The following THEM5 variants were observed in gnomAD, a reference collection of about 807,000 sequenced individuals.
THEM5 encodes acyl-coenzyme A thioesterase THEM5.
THEM5 carries 28 observed loss-of-function variants against 24.2 expected under a neutral mutation model. That is an observed-to-expected ratio of 1.16 (90% CI 0.86 to 1.59). The LOEUF (loss-of-function observed/expected upper bound fraction) is 1.59, where lower values mean the gene tolerates loss of function less well. THEM5 is among the 40% of genes most tolerant of loss of function. The pLI is 0.00. For missense variants in THEM5, 260 were observed against 296.8 expected (o/e 0.88, Z 0.91); for synonymous variants, 87 against 114.5 (o/e 0.76, Z 1.53).
chr1:151,851,573 T>C (rs950762041), intron 2 of THEM5, among the ~76,000 whole-genome samples: 2 of 152,178 alleles, frequency 1.3e-5, no homozygotes, highest in Non-Finnish European at 1.5e-5. Context: ...ATTTTTTTTT[T>C]CCAAGACAGC....
intron 3 of THEM5, among the ~76,000 whole-genome samples, chr1:151,850,784 C>T (rs1653086092): frequency 6.6e-6 from 1 of 152,184 alleles, no homozygotes; most frequent in Non-Finnish European, 1.5e-5. Flanking sequence ...CCAAGTGTAC[C>T]ACATTCTTCT....
chr1:151,853,412 C>A, intron 1 of THEM5, 31 bp downstream of exon 1: 2 of 1,604,362 alleles, frequency 1.2e-6, no homozygotes, highest in Non-Finnish European at 1.7e-6. Context: ...CCTGGGAAAA[C>A]ACTGCCCATC....
At chr1:151,851,411 T>G (rs1653119579) in intron 2 of THEM5, among the ~76,000 whole-genome samples, 1 of 152,130 alleles carries the variant, frequency 6.6e-6, no homozygotes, top group South Asian at 2.1e-4. Context: ...GTGCCCTGGC[T>G]GAGAATGGAG....
At chr1:151,852,537 T>A (rs1400593464) in intron 1 of THEM5, 78 bp from the exon 2 acceptor site, 4 of 1,350,120 alleles carry the variant, frequency 3.0e-6, no homozygotes, top group Middle Eastern at 1.9e-4. Flanking sequence ...TCTAAACAGC[T>A]GTTCCTGGGT....
intron 3 of THEM5, 77 bp from the exon 4 acceptor site, chr1:151,848,369 C>G (rs60166269): frequency 8.8e-7 from 1 of 1,133,680 alleles, no homozygotes; most frequent in Non-Finnish European, 1.3e-6. Flanking sequence ...CCTTCCCTCC[C>G]TCCTGTGGTG....
At chr1:151,848,103 C>A (rs1016301268) in intron 4 of THEM5, 79 bp downstream of exon 4, 2 of 1,492,056 alleles carry the variant, frequency 1.3e-6, no homozygotes, top group African/African-American at 1.4e-5. Flanking sequence ...GGCTCCTACA[C>A]CCCAGCTGCC....
At chr1:151,849,736 C>T (rs1032742107) in intron 3 of THEM5, among the ~76,000 whole-genome samples, 3 of 152,206 alleles carry the variant, frequency 2.0e-5, no homozygotes, top group African/African-American at 7.2e-5. Context: ...CTCTCTCCTC[C>T]TTGTCCTCAC....
chr1:151,849,644 A>G (rs1274703461), intron 3 of THEM5, among the ~76,000 whole-genome samples: 1 of 152,110 alleles, frequency 6.6e-6, no homozygotes, highest in African/African-American at 2.4e-5. Context: ...TAATTTACAC[A>G]CTTCTTAGGC....
At chr1:151,849,853 A>G (rs896512478) in intron 3 of THEM5, among the ~76,000 whole-genome samples, 17 of 152,100 alleles carry the variant, frequency 1.1e-4, no homozygotes, top group Admixed American at 1.3e-4. Flanking sequence ...CCTGGTGGAT[A>G]CTAATCTCTT....
chr1:151,852,392 G>A lies in THEM5; in HGVS notation c.191C>T (p.Ser64Leu), dbSNP rs1320084272. 1.3e-5 allele frequency: 21 copies of A among 1,614,002 alleles called. No individual in the cohort carries two copies. Among genetic ancestry groups the A allele is most frequent in the East Asian group, 6.7e-5 (3 of 44,874 alleles). The change falls in exon 2 of 6, where the codon TCG (serine) becomes TTG (leucine). Residue 64 changes from serine (S) to leucine (L), a missense_variant. Transcript: ENST00000368817. ...TTCTTGGTACAGGCTCAGCATGTCC[G>A]AACACCAGCTGGCATTGGGAAGAGC... ...DYALPNASWC[S>L]DMLSLYQEFL...
rs765871696 is a variant in THEM5, at chr1:151,853,528, C to G, written c.38G>C (p.Gly13Ala). The G allele has an allele frequency of 6.2e-7, 1 of 1,613,530 alleles. No individual in the cohort carries two copies. Among genetic ancestry groups the G allele is most frequent in the Non-Finnish European group, 8.5e-7 (1 of 1,179,698 alleles). Residue 13 changes from glycine to alanine, a missense_variant, in exon 1 of 6, where the codon GGC (glycine) becomes GCC (alanine). Coordinates refer to ENST00000368817, the MANE Select transcript of THEM5 (RefSeq NM_182578.4). The stretch of plus-strand genomic sequence containing the variant: ...GGCCTCAAGAAGGCCTCTGTGGTGG[C>G]CAAGTCTTGCTGCCACCTGGAAGCA... ...RRCFQVAARL[G>A]HHRGLLEAPR...
rs1653111313 is a variant in THEM5 at position 151,851,244 on chromosome 1, T to C, written c.326-53A>G. The C allele has an allele frequency of 1.9e-6, 3 of 1,610,434 alleles. No homozygotes were observed. The Admixed American group carries it at 5.0e-5, about 27-fold the overall frequency. On this transcript the variant is annotated intron_variant, in intron 2 of 5. Transcript: ENST00000368817. ...CGGAGAAGGGAGGGTATGGTCAGGA[T>C]GCAGCACCATTTGGTTGAGTCTTGC...
intron 2 of THEM5, 29 bp from the exon 3 acceptor site, chr1:151,851,220 GGA>G: frequency 3.7e-6 from 6 of 1,613,886 alleles, no homozygotes; most frequent in Non-Finnish European, 4.2e-6. Flanking sequence ...TGTTGCAGCC[GGA>G]GAAGGGAGGG....
chr1:151,850,006 C>T (rs1211083333), intron 3 of THEM5, among the ~76,000 whole-genome samples: 1 of 152,222 alleles, frequency 6.6e-6, no homozygotes, highest in Non-Finnish European at 1.5e-5. Flanking sequence ...CTGGGCAGGG[C>T]TCTGAGCAAT....
Position 151,852,306 on chromosome 1 carries a change from C to G in THEM5, c.277G>C (p.Asp93His). Residue 93 changes from aspartate to histidine, a missense_variant, in exon 2 of 6, where the codon GAC becomes CAC. Physicochemically the swap from Asp to His is moderately conservative, Grantham distance 81. Coordinates refer to ENST00000368817, the MANE Select transcript of THEM5 (RefSeq NM_182578.4). ...IKLPSFKSNR[D>H]HIRGLKLPSG... ...GGGAGCTTGAGTCCCCGGATGTGGT[C>G]TCTGTTGGACTTGAAGGAGGGCAGC... 1 of 1,614,044 alleles carries G rather than the reference C, an allele frequency of 6.2e-7. No individual in the cohort carries two copies. Among genetic ancestry groups the G allele is most frequent in the Non-Finnish European group, 8.5e-7 (1 of 1,180,012 alleles).
At chr1:151,852,480 T>A in intron 1 of THEM5, 21 bp from the exon 2 acceptor site, 1 of 1,613,584 alleles carries the variant, frequency 6.2e-7, no homozygotes, top group Non-Finnish European at 8.5e-7. Context: ...AAAATCAGAA[T>A]GACTAGACAG....
At position 151,852,464 on chromosome 1, in the gene THEM5, G is replaced by C; in HGVS notation, c.124-5C>G. The C allele has an allele frequency of 6.2e-7, 1 of 1,614,088 alleles. No individual in the cohort carries two copies. Among genetic ancestry groups the C allele is most frequent in the Non-Finnish European group, 8.5e-7 (1 of 1,180,018 alleles). ...CTCTGGCAAGAATCTTGAGAACTGG[G>C]CAGGAAAAATCAGAATGACTAGACA... On this transcript the variant is annotated splice_region_variant and splice_polypyrimidine_tract_variant and intron_variant, in intron 1 of 5. Transcript: ENST00000368817.
At chr1:151,847,485 C>T (rs916127268) in intron 5 of THEM5, 71 bp from the exon 6 acceptor site, 2 of 1,596,114 alleles carry the variant, frequency 1.3e-6, no homozygotes. Flanking sequence ...ACACTCTGAG[C>T]ATTTGGCTGC....
chr1:151,847,630 C>G, intron 5 of THEM5, 108 bp downstream of exon 5: 1 of 1,506,286 alleles, frequency 6.6e-7, no homozygotes. Context: ...CCTAAAGAAG[C>G]TGGACCGCAG....
Sources: gnomAD v4.1 joint callset for allele counts (sites outside exome capture counted in the v4.1 genomes callset) on GRCh38, gnomAD v4.1.1 for gene constraint, MANE v1.5 for transcripts, NCBI Gene and HGNC (gene_info 2026-07-23, HGNC 2026-07-21) for gene names.